The following FNBP4 variants were observed in gnomAD, a reference collection of about 807,000 sequenced individuals.
FNBP4 encodes the protein formin binding protein 4, also known as formin-binding protein 4.
Under a neutral mutation model 119.3 loss-of-function variants are expected in FNBP4, and 34 were observed. The observed-to-expected ratio is 0.28, with a 90% confidence interval of 0.22 to 0.38. The LOEUF (loss-of-function observed/expected upper bound fraction) is 0.38. Ranked by LOEUF, FNBP4 falls within the 10% of genes least tolerant of loss-of-function variation. The pLI is 1.00. For missense variants in FNBP4, 1,112 were observed against 1,228.9 expected (o/e 0.90, Z 1.42); for synonymous variants, 462 against 430.6 (o/e 1.07, Z -0.90).
At chr11:47,760,949 T>C (rs1158273588) in intron 2 of FNBP4, among the ~76,000 whole-genome samples, 2 of 152,200 alleles carry the variant, frequency 1.3e-5, no homozygotes, top group African/African-American at 4.8e-5. Flanking sequence ...TTTGAGACTA[T>C]AATACCAAGA....
intron 6 of FNBP4, among the ~76,000 whole-genome samples, chr11:47,746,999 A>G (rs916543132): frequency 6.6e-6 from 1 of 152,168 alleles, no homozygotes; most frequent in African/African-American, 2.4e-5. Context: ...TTGTCAGCTC[A>G]TAACATGACT....
chr11:47,725,882 T>C (rs2097560400), intron 12 of FNBP4: 2 of 688,588 alleles, frequency 2.9e-6, no homozygotes, highest in Non-Finnish European at 1.8e-6. Flanking sequence ...AGAAATCATC[T>C]ATTTCAACCT....
At position 47,750,576 on chromosome 11, in the gene FNBP4, C is replaced by T. The variant is rs2097600348; in HGVS notation, c.906+340G>A. Among the ~76,000 whole-genome samples, 2 of 149,142 alleles carry T rather than the reference C, an allele frequency of 1.3e-5. 1 individual carries two copies. Among genetic ancestry groups the T allele is most frequent in the Non-Finnish European group, 3.0e-5 (2 of 67,366 alleles). On this transcript the variant is annotated intron_variant, in intron 6 of 16. Transcript: ENST00000263773. ...TGGTAGCGGGTGCTTGTAATCCCAGCGACTCAGGAGGCTGAGGCAGGAGAA... is the reference window on the plus strand; with the variant it reads ...TGGTAGCGGGTGCTTGTAATCCCAGTGACTCAGGAGGCTGAGGCAGGAGAA...
chr11:47,726,858 T>C lies in FNBP4; in HGVS notation c.2009-2080A>G, dbSNP rs563570417. The C allele has an allele frequency of 3.9e-5, 6 of 152,306 alleles. No homozygotes were observed. In the South Asian group the frequency reaches 1.2e-3, roughly 32 times the overall value. 9.4% of individuals were successfully genotyped at this position (152,306 alleles called of 1,614,324 possible). Reference sequence around the variant, plus strand: ...AATCACAACATACAGTAAGTAAATATAAGTTAAGATTTTCTCTATTTTCTT... The same window carrying C: ...AATCACAACATACAGTAAGTAAATACAAGTTAAGATTTTCTCTATTTTCTT... On this transcript the variant is annotated intron_variant, in intron 12 of 16. Coordinates refer to ENST00000263773, the MANE Select transcript of FNBP4 (RefSeq NM_015308.5).
At chr11:47,724,311 G>A (rs1769473574) in intron 13 of FNBP4, 139 bp from the exon 14 acceptor site, 9 of 1,513,088 alleles carry the variant, frequency 5.9e-6, no homozygotes, top group Admixed American at 5.7e-5. Flanking sequence ...CAGCCTCCTG[G>A]GCTTAAGCAA....
intron 6 of FNBP4, among the ~76,000 whole-genome samples, chr11:47,749,324 C>CACTTTAGGA (rs11283175): frequency 9.9e-5 from 15 of 151,984 alleles, no homozygotes; most frequent in Non-Finnish European, 2.2e-4. Context: ...GTAATCCCAG[C>CACTTTAGGA]GTCTGAGGCA....
intron 12 of FNBP4, chr11:47,725,106 G>A (rs1226791429): frequency 5.2e-6 from 1 of 190,802 alleles, no homozygotes; most frequent in Non-Finnish European, 1.1e-5. Context: ...TTATGGATGA[G>A]TAGAAGAATA....
At position 47,754,661 on chromosome 11, in the gene FNBP4, C is replaced by A; in HGVS notation, c.317G>T (p.Gly106Val). ...TRPTAVKATG[G>V]LCLLGAYADS... ...AGCATAAGCACCAAGCAAGCATAGA[C>A]CGCCTAGAAACAAAAAGGTAAACAG... The change falls in exon 3 of 17, where the codon GGT becomes GTT. Residue 106 changes from glycine (G) to valine (V), a missense_variant. Coordinates refer to ENST00000263773, the MANE Select transcript of FNBP4 (RefSeq NM_015308.5). The A allele has an allele frequency of 6.2e-7, 1 of 1,613,172 alleles. No individual in the cohort carries two copies. The highest frequency in any genetic ancestry group is 8.5e-7 in the Non-Finnish European group (1 of 1,179,784).
In FNBP4 at chr11:47,746,341, C is replaced by T; in HGVS notation, c.960G>A (p.Gly320=). The change falls in exon 7 of 17, where the codon GGG becomes GGA. Residue 320 remains glycine (G), a synonymous_variant. Coordinates refer to ENST00000263773, the MANE Select transcript of FNBP4 (RefSeq NM_015308.5). ...AAGGAGCAAGCAGCGATGCTGCCAC[C>T]CCTTTCTTCTCCTCCTCACTATTTG... ...ALSNSEEEKK[G]VAASLLAPLL... 2 of 1,613,668 alleles carry T rather than the reference C, an allele frequency of 1.2e-6. No individual in the cohort carries two copies. Among genetic ancestry groups the T allele is most frequent in the Non-Finnish European group, 1.7e-6 (2 of 1,179,990 alleles).
intron 12 of FNBP4, chr11:47,725,473 T>C (rs1014152981): frequency 6.6e-6 from 1 of 152,220 alleles, no homozygotes; most frequent in Non-Finnish European, 1.5e-5. Context: ...ATTTGTGATA[T>C]CACAGAGACA....
chr11:47,732,439 A>C lies in FNBP4; in HGVS notation c.1820+98T>G. The C allele has an allele frequency of 6.4e-7, 1 of 1,571,576 alleles. No homozygotes were observed. Among genetic ancestry groups the C allele is most frequent in the Non-Finnish European group, 8.6e-7 (1 of 1,157,212 alleles). Reference sequence around the variant, plus strand: ...AGCACCGCTAACTGCAGCTGCTCTCAGTCTCCAGACAGGCTGTCATGTCGT... The same window carrying C: ...AGCACCGCTAACTGCAGCTGCTCTCCGTCTCCAGACAGGCTGTCATGTCGT... On this transcript the variant is annotated intron_variant, in intron 11 of 16. Coordinates refer to ENST00000263773, the MANE Select transcript of FNBP4 (RefSeq NM_015308.5). The surrounding 1 kb of genome is among the most constrained non-coding windows in gnomAD (Gnocchi z 4.2).
chr11:47,726,582 G>T (rs1398884105), intron 12 of FNBP4: 2 of 151,742 alleles, frequency 1.3e-5, no homozygotes, highest in East Asian at 3.9e-4. Flanking sequence ...TGCCACTTTT[G>T]GAAAAGGACA....
At position 47,716,829 on chromosome 11, in the gene FNBP4, CA is replaced by C. The variant is rs1341494833; in HGVS notation, c.*592del. On this transcript the variant is annotated 3_prime_UTR_variant, in exon 17 of 17. Transcript: ENST00000263773. ...ATACTTGAGGGGAAATTCTCAAAAT[CA>C]AGGATATGAACACCTGCTGCTGCCT... 1 of 152,506 alleles carries C rather than the reference CA, an allele frequency of 6.6e-6. No individual in the cohort carries two copies. Among genetic ancestry groups the C allele is most frequent in the Non-Finnish European group, 1.5e-5 (1 of 68,070 alleles). 9.4% of individuals were successfully genotyped at this position (152,506 alleles called of 1,614,324 possible).
chr11:47,717,273 T>C lies in FNBP4; in HGVS notation c.*149A>G. On this transcript the variant is annotated 3_prime_UTR_variant, in exon 17 of 17. Transcript: ENST00000263773. ...ACAGAAAAATTACATTTCACAAAAG[T>C]GAAAACTTTGTATGCATACACTCTT... The C allele has an allele frequency of 1.7e-6, 1 of 581,298 alleles. No individual in the cohort carries two copies. The highest frequency in any genetic ancestry group is 3.0e-6 in the Non-Finnish European group (1 of 334,752). 36.0% of individuals were successfully genotyped at this position (581,298 alleles called of 1,614,324 possible).
At chr11:47,754,732 G>T in intron 2 of FNBP4, 68 bp from the exon 3 acceptor site, 1 of 1,521,498 alleles carries the variant, frequency 6.6e-7, no homozygotes, top group Non-Finnish European at 8.9e-7. Context: ...CATCTAAAGC[G>T]GAAGTATAAC....
intron 8 of FNBP4, among the ~76,000 whole-genome samples, chr11:47,743,070 C>CT (rs1034827028): frequency 1.8e-4 from 28 of 152,008 alleles, no homozygotes; most frequent in Admixed American, 1.8e-3. Context: ...AGGGATCCTT[C>CT]TGCCTCAGTT....
Position 47,717,271 on chromosome 11 carries a change from AGTGAAAACTTT to A in FNBP4, c.*140_*150del. ...AAACAGAAAAATTACATTTCACAAA[AGTGAAAACTTT>A]GTATGCATACACTCTTGCCCAGGAA... is the stretch of plus-strand genomic sequence containing the variant. On this transcript the variant is annotated 3_prime_UTR_variant, in exon 17 of 17. Coordinates refer to ENST00000263773, the MANE Select transcript of FNBP4 (RefSeq NM_015308.5). 1 of 580,248 alleles carries A rather than the reference AGTGAAAACTTT, an allele frequency of 1.7e-6. No individual in the cohort carries two copies. Among genetic ancestry groups the A allele is most frequent in the Non-Finnish European group, 3.0e-6 (1 of 333,512 alleles). The allele number at this position is 580,248 out of a possible 1,614,324, so 35.9% of individuals were successfully genotyped here.
chr11:47,767,016 A>C, intron 1 of FNBP4, 53 bp downstream of exon 1: 1 of 1,497,304 alleles, frequency 6.7e-7, no homozygotes, highest in South Asian at 1.2e-5. Flanking sequence ...CGCCGTGAGG[A>C]GCCTAGGCCG....
intron 8 of FNBP4, among the ~76,000 whole-genome samples, chr11:47,740,753 C>G (rs751300850): frequency 5.9e-5 from 9 of 151,604 alleles, no homozygotes; most frequent in Non-Finnish European, 1.3e-4. Context: ...CCACCAGGTG[C>G]AGATAATTTT....
Sources: gnomAD v4.1 joint callset for allele counts (sites outside exome capture counted in the v4.1 genomes callset) on GRCh38, gnomAD v4.1.1 for gene constraint, Gnocchi (gnomAD v3.1) non-coding constraint, MANE v1.5 for transcripts, NCBI Gene and HGNC (gene_info 2026-07-23, HGNC 2026-07-21) for gene names.